The following PDE1C variants were observed in gnomAD, a reference collection of about 807,000 sequenced individuals.
PDE1C encodes phosphodiesterase 1C, also known as dual specificity calcium/calmodulin-dependent 3',5'-cyclic nucleotide phosphodiesterase 1C.
Under a neutral mutation model 93.1 loss-of-function variants are expected in PDE1C, and 62 were observed. The observed-to-expected ratio is 0.67, with a 90% CI of 0.54 to 0.82. The LOEUF (loss-of-function observed/expected upper bound fraction) is 0.82, where lower values mean the gene tolerates loss of function less well. PDE1C is among the 40% of genes least tolerant of loss of function. The pLI is 0.00. For missense variants in PDE1C, 742 were observed against 884.6 expected, an observed-to-expected ratio of 0.84 and a Z score of 2.04; for synonymous variants, 325 against 310.1, an observed-to-expected ratio of 1.05 and a Z score of -0.50.
intron 2 of PDE1C, among the ~76,000 whole-genome samples, chr7:32,047,817 T>C (rs573401785): frequency 1.3e-5 from 2 of 152,334 alleles, no homozygotes; most frequent in South Asian, 4.1e-4. Flanking sequence ...TTTTGTATCC[T>C]GGGCTGTCTT....
At chr7:32,032,805 A>C (rs958015972) in intron 2 of PDE1C, among the ~76,000 whole-genome samples, 1 of 152,126 alleles carries the variant, frequency 6.6e-6, no homozygotes, top group African/African-American at 2.4e-5. Context: ...CTCAGGCCCC[A>C]TCCCAGCTCT....
intron 2 of PDE1C, among the ~76,000 whole-genome samples, chr7:31,918,887 A>G (rs755054054): frequency 1.3e-4 from 20 of 152,228 alleles, no homozygotes; most frequent in African/African-American, 3.6e-4. Context: ...AGCTAAATCT[A>G]TCTGAGCCAA....
At chr7:31,790,057 A>T in intron 16 of PDE1C, 3 of 1,399,564 alleles carry the variant, frequency 2.1e-6, no homozygotes, top group Non-Finnish European at 2.8e-6. Flanking sequence ...ACCCCCAAAG[A>T]TTCATCCCCT....
At chr7:31,877,608 G>C (rs1244908803) in intron 5 of PDE1C, among the ~76,000 whole-genome samples, 1 of 150,448 alleles carries the variant, frequency 6.6e-6, no homozygotes, top group Non-Finnish European at 1.5e-5. Context: ...ATCAGATAAT[G>C]GGACAATTGC....
chr7:32,001,062 C>T lies in PDE1C; in HGVS notation c.128+50492G>A, dbSNP rs574058326. The stretch of plus-strand genomic sequence containing the variant: ...ACAGCAAAAACACCAAGTGAAAAAA[C>T]AAGGCATAGAATTGTACATAATACA... On this transcript the variant is annotated intron_variant, in intron 2 of 17. Transcript: ENST00000396191. Among the ~76,000 whole-genome samples the T allele has an allele frequency of 6.2e-4, 94 of 151,822 alleles. 1 individual carries two copies. Among genetic ancestry groups the T allele is most frequent in the Non-Finnish European group, 1.1e-3 (73 of 67,934 alleles).
At chr7:31,651,223 A>G in the PDE1C span, 7 of 1,613,624 alleles carry the variant, frequency 4.3e-6, no homozygotes, top group East Asian at 2.2e-5. Flanking sequence ...ACAGCACCTT[A>G]TGGGACAGCA....
intron 3 of PDE1C, among the ~76,000 whole-genome samples, chr7:32,132,531 T>C (rs1037074289): frequency 5.9e-5 from 9 of 151,856 alleles, no homozygotes; most frequent in African/African-American, 2.2e-4. Flanking sequence ...CCGGGTGTGG[T>C]GGCACATGCC....
At chr7:31,895,194 A>T (rs1799124048) in intron 2 of PDE1C, among the ~76,000 whole-genome samples, 1 of 152,116 alleles carries the variant, frequency 6.6e-6, no homozygotes, top group African/African-American at 2.4e-5. Context: ...GATAGTGCTG[A>T]CTGGAGGGAT....
intron 2 of PDE1C, among the ~76,000 whole-genome samples, chr7:31,910,477 G>A (rs1018095492): frequency 1.3e-5 from 2 of 152,174 alleles, no homozygotes; most frequent in Non-Finnish European, 2.9e-5. Context: ...ACGGGTGACA[G>A]GCACTATCTA....
At chr7:32,268,520 A>G (rs981433076) in intron 1 of PDE1C, among the ~76,000 whole-genome samples, 2 of 152,218 alleles carry the variant, frequency 1.3e-5, no homozygotes, top group Non-Finnish European at 2.9e-5. Flanking sequence ...TCCAAAAGAG[A>G]TTTAAGGCTG....
At position 31,888,267 on chromosome 7, in the gene PDE1C, A is replaced by G. The variant is rs963246548; in HGVS notation, c.129-7407T>C. Among the ~76,000 whole-genome samples the G allele has an allele frequency of 4.6e-5, 7 of 150,638 alleles. No homozygotes were observed. In the East Asian group the frequency reaches 9.7e-4, roughly 21 times the overall value. On this transcript the variant is annotated intron_variant, in intron 2 of 17. Transcript: ENST00000396191. ...TCAGTCTCAAAAAAAAAAAAAAAAA[A>G]AAAAAAGAAAAGGAGAAGTCTAAAA...
At chr7:32,193,916 GTT>G (rs1554283858) in intron 2 of PDE1C, among the ~76,000 whole-genome samples, 12 of 115,250 alleles carry the variant, frequency 1.0e-4, no homozygotes, top group East Asian at 3.5e-4. Context: ...GTTTTGTTTT[GTT>G]TTTTTTTTTT....
In PDE1C at chr7:31,873,373, G is replaced by A; in HGVS notation, c.528C>T (p.Leu176=). Residue 176 remains leucine (L), a synonymous_variant, in exon 6 of 18, where the codon CTC becomes CTT. Coordinates refer to ENST00000396191, the MANE Select transcript of PDE1C (RefSeq NM_001191057.4). The stretch of plus-strand genomic sequence containing the variant: ...GTGCATGATCCCCACTGGCCTCATT[G>A]AGGGAAAAGACGTCAAAGGACCACT... The part of the protein sequence containing the change: ...VDKWSFDVFS[L]NEASGDHALK... 6.2e-7 allele frequency: 1 copy of A among 1,613,526 alleles called. No individual in the cohort carries two copies. The highest frequency in any genetic ancestry group is 8.5e-7 in the Non-Finnish European group (1 of 1,179,578).
At chr7:32,403,154 C>G (rs922487117) in intron 1 of PDE1C, among the ~76,000 whole-genome samples, 2 of 152,010 alleles carry the variant, frequency 1.3e-5, no homozygotes, top group African/African-American at 4.8e-5. Context: ...TTTCAGTTCT[C>G]CATGGAGGAC....
At chr7:32,353,556 G>T (rs5883340) in intron 1 of PDE1C, among the ~76,000 whole-genome samples, 8,790 of 15,168 alleles carry the variant, frequency 0.58, 2,215 homozygotes, top group East Asian at 0.77. Flanking sequence ...TGTAGTTTTT[G>T]TTTTTTTTTT....
chr7:31,718,734 G>T, the PDE1C span, among the ~76,000 whole-genome samples: 1 of 152,186 alleles, frequency 6.6e-6, no homozygotes, highest in Non-Finnish European at 1.5e-5. Flanking sequence ...GATCCAAAAG[G>T]TGGGAACTCA....
At chr7:31,924,664 G>A (rs1180397363) in intron 2 of PDE1C, among the ~76,000 whole-genome samples, 1 of 152,202 alleles carries the variant, frequency 6.6e-6, no homozygotes, top group East Asian at 1.9e-4. Flanking sequence ...TATAAGCAGG[G>A]TTCAGAAGGA....
chr7:32,179,896 T>C (rs1803275389), intron 2 of PDE1C, among the ~76,000 whole-genome samples: 1 of 152,144 alleles, frequency 6.6e-6, no homozygotes, highest in Admixed American at 6.5e-5. Context: ...AGAGACATAG[T>C]TCTCTGTAAA....
At chr7:32,427,658 T>C (rs1430690498) in intron 1 of PDE1C, among the ~76,000 whole-genome samples, 1 of 152,188 alleles carries the variant, frequency 6.6e-6, no homozygotes, top group Non-Finnish European at 1.5e-5. Flanking sequence ...CCTTCTGAAA[T>C]AGCCTCCTAT....
Sources: allele counts gnomAD v4.1 joint callset (sites outside exome capture counted in the v4.1 genomes callset), GRCh38; gene constraint gnomAD v4.1.1; transcripts MANE v1.5; gene names NCBI Gene and HGNC (gene_info 2026-07-23, HGNC 2026-07-21).